The following PMPCA variants were observed in gnomAD, a reference collection of about 807,000 sequenced individuals.
PMPCA encodes the protein peptidase, mitochondrial processing subunit alpha.
In PMPCA, 47 loss-of-function variants were observed where a neutral mutation model predicts 59.3. The ratio of observed to expected loss-of-function variants is 0.79; its 90% CI spans 0.63 to 1.01. The LOEUF (loss-of-function observed/expected upper bound fraction) is 1.01. Ranked by LOEUF, PMPCA falls within the 50% of genes least tolerant of loss-of-function variation. The probability of loss-of-function intolerance (pLI) is 0.00; values close to 1 mark genes in which losing one functional copy is unlikely to be tolerated. For synonymous variants in PMPCA, 338 were observed against 290.3 expected, an observed-to-expected ratio of 1.16 and a Z score of -1.67; for missense variants, 726 against 704.5, an observed-to-expected ratio of 1.03 and a Z score of -0.34.
In PMPCA at chr9:136,417,214, G is replaced by C. The variant is rs200775950; in HGVS notation, c.897G>C (p.Lys299Asn). 1 of 1,568,212 alleles carries C rather than the reference G, an allele frequency of 6.4e-7. No individual in the cohort carries two copies. The highest frequency in any genetic ancestry group is 2.3e-5 in the East Asian group (1 of 43,962). The part of the protein sequence containing the change: ...SVAQYTGGIA[K>N]LERDMSNVSL... ...CCCAGTACACTGGGGGGATTGCCAA[G>C]GTGAAGTAGCGGGAACGTCTCATGG... is the stretch of plus-strand genomic sequence containing the variant. The change falls in exon 7 of 13, where the codon AAG (lysine) becomes AAC (asparagine). Residue 299 changes from lysine to asparagine, a missense_variant and splice_region_variant. Coordinates refer to ENST00000371717, the MANE Select transcript of PMPCA (RefSeq NM_015160.3).
chr9:136,417,301 G>C (rs920406122), intron 7 of PMPCA, 87 bp downstream of exon 7: 6 of 1,150,480 alleles, frequency 5.2e-6, no homozygotes, highest in South Asian at 1.5e-5. Context: ...TGATTCTGAG[G>C]GTGATAGGTG....
intron 1 of PMPCA, chr9:136,411,063 TG>T (rs1835091828): frequency 6.6e-6 from 2 of 301,176 alleles, no homozygotes; most frequent in African/African-American, 4.3e-5. Flanking sequence ...GCTGAGCCGG[TG>T]GGGGCCCAGC....
intron 1 of PMPCA, among the ~76,000 whole-genome samples, chr9:136,411,639 G>A (rs1835120359): frequency 6.6e-6 from 1 of 152,330 alleles, no homozygotes; most frequent in Admixed American, 6.5e-5. Flanking sequence ...CCCGCCTTCG[G>A]ACCAGGTTAA....
chr9:136,420,953 G>C (rs1279645701), intron 11 of PMPCA: 1 of 151,804 alleles, frequency 6.6e-6, no homozygotes, highest in Non-Finnish European at 1.5e-5. Flanking sequence ...AAAAAGTGTA[G>C]CATCTCTGCG....
At chr9:136,415,404 G>T (rs574011787) in intron 5 of PMPCA, among the ~76,000 whole-genome samples, 4 of 152,318 alleles carry the variant, frequency 2.6e-5, no homozygotes, top group African/African-American at 9.6e-5. Context: ...AAGTGGAATG[G>T]TGTGTGCCAG....
chr9:136,418,240 G>T, intron 8 of PMPCA, 131 bp downstream of exon 8: 1 of 720,144 alleles, frequency 1.4e-6, no homozygotes. Context: ...TCTGCCCTCT[G>T]TCCCTGGCAT....
In PMPCA at chr9:136,418,951, G is replaced by T; in HGVS notation, c.1200+33G>T. The stretch of plus-strand genomic sequence containing the variant: ...CCCCGCCTGCCACCGTCCTCAGTGC[G>T]GTTGCCTGTCCAGACCTGGGCGTCC... On this transcript the variant is annotated intron_variant, in intron 10 of 12. Transcript: ENST00000371717. 3.7e-6 allele frequency: 6 copies of T among 1,606,180 alleles called. No individual in the cohort carries two copies. In the South Asian group the frequency reaches 5.5e-5, roughly 15 times the overall value.
chr9:136,421,442 C>T (rs1436376270), intron 11 of PMPCA, among the ~76,000 whole-genome samples: 2 of 133,784 alleles, frequency 1.5e-5, no homozygotes, highest in African/African-American at 2.7e-5. Flanking sequence ...CAGAGTCTTG[C>T]TCTGTCGCCC....
At chr9:136,414,023 C>T (rs1486800805) in intron 4 of PMPCA, among the ~76,000 whole-genome samples, 2 of 152,224 alleles carry the variant, frequency 1.3e-5, no homozygotes, top group African/African-American at 2.4e-5. Context: ...TGCAGTGCCT[C>T]ATGCCGGGAA....
At chr9:136,420,643 A>C (rs1835422495) in intron 11 of PMPCA, 1 of 152,262 alleles carries the variant, frequency 6.6e-6, no homozygotes, top group Non-Finnish European at 1.5e-5. Flanking sequence ...CATTCAAGAA[A>C]TAAAGTTGTG....
Position 136,423,326 on chromosome 9 carries a change from A to G in PMPCA, c.*62A>G. 1.3e-6 allele frequency: 2 copies of G among 1,514,104 alleles called. No individual in the cohort carries two copies. The highest frequency in any genetic ancestry group is 3.9e-5 in the Admixed American group (2 of 51,116). 93.8% of individuals were successfully genotyped at this position (1,514,104 alleles called of 1,614,324 possible). Reference sequence around the variant, plus strand: ...GCTGGAGCCCGTTCCCGTGCGTGTTAGTTTGGACACGAATTTAGTCTAAAA... The same window carrying G: ...GCTGGAGCCCGTTCCCGTGCGTGTTGGTTTGGACACGAATTTAGTCTAAAA... On this transcript the variant is annotated 3_prime_UTR_variant, in exon 13 of 13. Transcript: ENST00000371717.
chr9:136,416,472 C>T (rs748107577), intron 6 of PMPCA, 81 bp downstream of exon 6: 14 of 976,408 alleles, frequency 1.4e-5, no homozygotes, highest in Admixed American at 6.9e-5. Context: ...AGGGTGCCTC[C>T]GTGATGTTGT....
intron 11 of PMPCA, among the ~76,000 whole-genome samples, 177 bp from the exon 12 acceptor site, chr9:136,421,655 G>A (rs962237093): frequency 7.9e-5 from 12 of 152,050 alleles, no homozygotes; most frequent in Admixed American, 3.3e-4. Flanking sequence ...CTCGTGATCC[G>A]CCTGCCTCAG....
intron 1 of PMPCA, 30 bp downstream of exon 1, chr9:136,410,769 TG>T: frequency 1.4e-6 from 2 of 1,385,578 alleles, no homozygotes; most frequent in Non-Finnish European, 1.9e-6. Context: ...GGCTTCGGCC[TG>T]GGGCGGGGGC....
At chr9:136,416,209 CA>C in intron 5 of PMPCA, 81 bp from the exon 6 acceptor site, 1 of 1,007,652 alleles carries the variant, frequency 9.9e-7, no homozygotes, top group Non-Finnish European at 1.5e-6. Context: ...ACACTCAGGC[CA>C]GCACACAAGC....
intron 11 of PMPCA, among the ~76,000 whole-genome samples, 193 bp from the exon 12 acceptor site, chr9:136,421,639 C>T (rs1421135066): frequency 6.6e-6 from 1 of 152,176 alleles, no homozygotes; most frequent in Non-Finnish European, 1.5e-5. Flanking sequence ...GTCTCAATCT[C>T]CTGACCTCGT....
In PMPCA at chr9:136,419,739, T is replaced by C. The variant is rs188332901; in HGVS notation, c.1263+633T>C. On this transcript the variant is annotated intron_variant, in intron 11 of 12. Coordinates refer to ENST00000371717, the MANE Select transcript of PMPCA (RefSeq NM_015160.3). ...CTGGGATTACAGGCATGCGCCACCA[T>C]GCCTGGCTAATTTTTGTATTTTTAG... is the stretch of plus-strand genomic sequence containing the variant. The C allele has an allele frequency of 1.1e-3, 160 of 151,476 alleles. 4 individuals carry two copies. The East Asian group carries it at 0.024, about 22-fold the overall frequency. 9.4% of individuals were successfully genotyped at this position (151,476 alleles called of 1,614,324 possible).
chr9:136,410,689 G>A lies in PMPCA; in HGVS notation c.21G>A (p.Ala7=), dbSNP rs755775376. MAAVVL[A]ATRLLRGSGS... ...GCAAGATGGCGGCTGTGGTGCTGGC[G>A]GCGACGCGGTTGCTGCGGGGCTCGG... The change falls in exon 1 of 13, where the codon GCG becomes GCA. Residue 7 remains alanine (A), a synonymous_variant. Transcript: ENST00000371717. The A allele has an allele frequency of 1.4e-6, 2 of 1,416,546 alleles. No individual in the cohort carries two copies. The highest frequency in any genetic ancestry group is 1.6e-5 in the South Asian group (1 of 60,898). 87.7% of individuals were successfully genotyped at this position (1,416,546 alleles called of 1,614,324 possible). A position where few individuals can be genotyped will look rare whatever the true frequency, so the allele number is the denominator to read the frequency against.
At chr9:136,413,196 G>T (rs191988478) in intron 4 of PMPCA, among the ~76,000 whole-genome samples, 1 of 152,238 alleles carries the variant, frequency 6.6e-6, no homozygotes, top group Non-Finnish European at 1.5e-5. Flanking sequence ...AGCCAAAGGC[G>T]GTAGGAGCCA....
Sources: allele counts gnomAD v4.1 joint callset (sites outside exome capture counted in the v4.1 genomes callset), GRCh38; gene constraint gnomAD v4.1.1; transcripts MANE v1.5; gene names NCBI Gene and HGNC (gene_info 2026-07-23, HGNC 2026-07-21).